Variants in IFT122 observed in about 807,000 individuals in gnomAD.
IFT122 encodes intraflagellar transport protein 122 homolog.
IFT122 carries 118 observed loss-of-function variants against 161.6 expected under a neutral mutation model. The observed-to-expected ratio is 0.73, with a 90% CI of 0.63 to 0.85. The LOEUF (loss-of-function observed/expected upper bound fraction) is 0.85, where lower values mean the gene tolerates loss of function less well. IFT122 is among the 40% of genes least tolerant of loss of function. The pLI, the probability that IFT122 is intolerant of heterozygous loss-of-function variation, is 0.00. For missense variants in IFT122, 1,381 were observed against 1,579.6 expected (o/e 0.87, Z 2.13); for synonymous variants, 550 against 602.4 (o/e 0.91, Z 1.27).
intron 22 of IFT122, 65 bp from the exon 23 acceptor site, chr3:129,507,603 G>A (rs900491575): frequency 2.3e-6 from 3 of 1,277,074 alleles, no homozygotes; most frequent in Non-Finnish European, 3.4e-6. Flanking sequence ...CCCTCCTCCT[G>A]GGGCCAGTTG....
At position 129,476,388 on chromosome 3, in the gene IFT122, TG is replaced by T. The variant is rs778534085; in HGVS notation, c.896del (p.Gly299ValfsTer71). The stretch of plus-strand genomic sequence containing the variant: ...TTTACTAAAGGCGAGTACATTTTGC[TG>T]GGGGGTTCAGACAAGCAAGTATCTC... ...SYFTKGEYILLGGSDKQVSLF... is the reference protein window; with the variant it reads ...SYFTKGEYILXGGSDKQVSLF... On this transcript the variant is annotated frameshift_variant, in exon 10 of 30. Transcript: ENST00000348417. LOFTEE classifies it high-confidence loss of function. 3 of 1,614,136 alleles carry T rather than the reference TG, an allele frequency of 1.9e-6. No individual in the cohort carries two copies. The highest frequency in any genetic ancestry group is 1.7e-6 in the Non-Finnish European group (2 of 1,180,022).
chr3:129,514,613 C>G, intron 25 of IFT122, 59 bp downstream of exon 25: 1 of 1,586,396 alleles, frequency 6.3e-7, no homozygotes. Context: ...CCATCTCATG[C>G]CTTCTTGCCT....
chr3:129,473,428 GT>G (rs1442394230), intron 9 of IFT122, among the ~76,000 whole-genome samples: 1 of 152,118 alleles, frequency 6.6e-6, no homozygotes, highest in Non-Finnish European at 1.5e-5. Context: ...ACTCAATATT[GT>G]GAGTAATATG....
chr3:129,467,171 TA>T (rs1182320537), intron 8 of IFT122, 105 bp downstream of exon 8: 4 of 1,062,704 alleles, frequency 3.8e-6, no homozygotes, highest in Non-Finnish European at 5.6e-6. Context: ...GTGCAGGGAC[TA>T]GGGGGAACTG....
At chr3:129,465,023 G>A (rs2076563996) in intron 7 of IFT122, among the ~76,000 whole-genome samples, 1 of 152,014 alleles carries the variant, frequency 6.6e-6, no homozygotes, top group African/African-American at 2.4e-5. Context: ...TAGCAAAGCA[G>A]ATGAGCTATT....
chr3:129,456,870 C>A (rs978197752), intron 3 of IFT122, among the ~76,000 whole-genome samples: 4 of 152,118 alleles, frequency 2.6e-5, no homozygotes, highest in African/African-American at 7.2e-5. Context: ...GAGCCGAGAT[C>A]GTGCCACTGC....
chr3:129,469,920 A>G (rs900818377), intron 9 of IFT122, among the ~76,000 whole-genome samples: 4 of 152,224 alleles, frequency 2.6e-5, no homozygotes, highest in African/African-American at 7.2e-5. Context: ...TTGATAGCAA[A>G]GAGCCCCTGT....
intron 26 of IFT122, among the ~76,000 whole-genome samples, chr3:129,516,832 ACTGCCCCTGCACACACACACACACAGAGG>A (rs1560024892): frequency 9.6e-4 from 126 of 131,238 alleles, no homozygotes; most frequent in African/African-American, 3.5e-3. Context: ...ACACACAGAG[ACTGCCCCTGCACACACACACACACAGAGG>A]CTGCCCCTGC....
At chr3:129,456,043 T>C (rs2075438746) in intron 3 of IFT122, 1 of 454,372 alleles carries the variant, frequency 2.2e-6, no homozygotes, top group South Asian at 1.6e-5. Context: ...TGTACACATG[T>C]ACATACACTC....
intron 5 of IFT122, chr3:129,462,988 G>A (rs1236708767): frequency 6.5e-6 from 1 of 154,250 alleles, no homozygotes; most frequent in Non-Finnish European, 1.4e-5. Flanking sequence ...TATAAACAAT[G>A]AAACTGTCAT....
At position 129,512,331 on chromosome 3, in the gene IFT122, A is replaced by G; in HGVS notation, c.2906A>G (p.His969Arg). 6.2e-7 allele frequency: 1 copy of G among 1,613,926 alleles called. No individual in the cohort carries two copies. Among genetic ancestry groups the G allele is most frequent in the Non-Finnish European group, 8.5e-7 (1 of 1,179,774 alleles). The change falls in exon 24 of 30, where the codon CAT becomes CGT. Residue 969 changes from histidine (H) to arginine (R), a missense_variant. Physicochemically the swap from His to Arg is conservative, Grantham distance 29. Coordinates refer to ENST00000348417, the MANE Select transcript of IFT122 (RefSeq NM_052989.3). ...HRHTEDPFSV[H>R]RPETLFNISR... ...CTGCAGGAAGATCCGTTCAGTGTCC[A>G]TCGTCCTGAAACTCTTTTCAACATC...
chr3:129,488,731 G>C (rs2079632633), intron 16 of IFT122, among the ~76,000 whole-genome samples: 1 of 152,016 alleles, frequency 6.6e-6, no homozygotes, highest in Non-Finnish European at 1.5e-5. Flanking sequence ...GGAAGCACCT[G>C]ACTAGTAGCC....
intron 17 of IFT122, among the ~76,000 whole-genome samples, chr3:129,494,947 A>C (rs540109127): frequency 6.6e-6 from 1 of 152,254 alleles, no homozygotes; most frequent in African/African-American, 2.4e-5. Context: ...GATGTTCAGC[A>C]TGCGGGATTT....
intron 3 of IFT122, 34 bp downstream of exon 3, chr3:129,452,032 A>G (rs377593908): frequency 2.3e-4 from 325 of 1,407,834 alleles, no homozygotes; most frequent in Admixed American, 6.5e-4. Context: ...ATTCTCTATA[A>G]TAGCCTCATC....
In IFT122 at chr3:129,478,031, A is replaced by G. The variant is rs758432144; in HGVS notation, c.1163A>G (p.Lys388Arg). The change falls in exon 12 of 30, where the codon AAA becomes AGA. Residue 388 changes from lysine to arginine, a missense_variant. Coordinates refer to ENST00000348417, the MANE Select transcript of IFT122 (RefSeq NM_052989.3). ...TCTTTGACAGTTCGGATTAAATGCAAAGAGCTTGTCAAGAAGATTGCCATC... is the reference window on the plus strand; with the variant it reads ...TCTTTGACAGTTCGGATTAAATGCAGAGAGCTTGTCAAGAAGATTGCCATC... ...ITEQKVRIKC[K>R]ELVKKIAIYR... 3 of 1,614,054 alleles carry G rather than the reference A, an allele frequency of 1.9e-6. No individual in the cohort carries two copies. The highest frequency in any genetic ancestry group is 2.5e-6 in the Non-Finnish European group (3 of 1,179,990).
chr3:129,474,944 C>G (rs562341429), intron 9 of IFT122, among the ~76,000 whole-genome samples: 8 of 152,288 alleles, frequency 5.3e-5, no homozygotes, highest in South Asian at 2.1e-4. Context: ...CACTTGAGAA[C>G]AGGAGTTCAG....
chr3:129,449,844 TG>T (rs748600997), intron 1 of IFT122, 26 bp from the exon 2 acceptor site: 51 of 1,564,598 alleles, frequency 3.3e-5, no homozygotes, highest in Non-Finnish European at 4.2e-5. Context: ...GGTTCCTAAT[TG>T]TCTTTTTCCC....
In IFT122 at chr3:129,464,810, A is replaced by G. The variant is rs755130310; in HGVS notation, c.563+29A>G. The G allele has an allele frequency of 1.2e-5, 19 of 1,613,140 alleles. No individual in the cohort carries two copies. The South Asian group carries it at 1.9e-4, about 16-fold the overall frequency. Reference sequence around the variant, plus strand: ...CTCTTAAAGTTGTCCTCCTTCTAGAACAAACACCATCATGAAGAAGGGCTT... The same window carrying G: ...CTCTTAAAGTTGTCCTCCTTCTAGAGCAAACACCATCATGAAGAAGGGCTT... On this transcript the variant is annotated intron_variant, in intron 7 of 29. Coordinates refer to ENST00000348417, the MANE Select transcript of IFT122 (RefSeq NM_052989.3).
At chr3:129,444,670 C>T (rs2073760029) in intron 1 of IFT122, among the ~76,000 whole-genome samples, 1 of 152,022 alleles carries the variant, frequency 6.6e-6, no homozygotes, top group Admixed American at 6.6e-5. Flanking sequence ...TACAGGTGTG[C>T]ACCACCACGC....
Sources: allele counts gnomAD v4.1 joint callset (sites outside exome capture counted in the v4.1 genomes callset), GRCh38; gene constraint gnomAD v4.1.1; transcripts MANE v1.5; gene names NCBI Gene and HGNC (gene_info 2026-07-23, HGNC 2026-07-21).